Variants in DLC1 observed in about 807,000 individuals in gnomAD.
DLC1 encodes DLC1 Rho GTPase activating protein.
Under a neutral mutation model 140.3 loss-of-function variants are expected in DLC1, and 54 were observed. That is an observed-to-expected ratio of 0.38 (90% CI 0.31 to 0.48). The LOEUF is 0.48. DLC1 is among the 20% of genes least tolerant of loss of function. The pLI is 0.96. For missense variants in DLC1, 2,536 were observed against 1,907.0 expected, an observed-to-expected ratio of 1.33 and a Z score of -6.14; for synonymous variants, 986 against 728.1, an observed-to-expected ratio of 1.35 and a Z score of -5.70.
intron 1 of DLC1, among the ~76,000 whole-genome samples, chr8:13,559,754 A>G (rs1328341100): frequency 6.6e-6 from 1 of 152,226 alleles, no homozygotes. Flanking sequence ...ACACAAAAGT[A>G]TGTAACTCAA....
At chr8:13,417,096 A>C (rs4831428) in intron 2 of DLC1, among the ~76,000 whole-genome samples, 1 of 151,904 alleles carries the variant, frequency 6.6e-6, no homozygotes, top group Admixed American at 6.6e-5. Context: ...ATTTCTAATC[A>C]GATGACTTTA....
intron 5 of DLC1, among the ~76,000 whole-genome samples, chr8:13,121,680 C>T (rs544846610): frequency 1.3e-5 from 2 of 152,126 alleles, no homozygotes; most frequent in South Asian, 2.1e-4. Context: ...TCCTGAGTAG[C>T]TGGGACTACA....
At chr8:13,235,774 T>C (rs1047619486) in intron 5 of DLC1, among the ~76,000 whole-genome samples, 1 of 152,016 alleles carries the variant, frequency 6.6e-6, no homozygotes, top group African/African-American at 2.4e-5. Context: ...AATAAGTTAA[T>C]TTGGACAAAT....
intron 7 of DLC1, among the ~76,000 whole-genome samples, chr8:13,104,375 C>A (rs369468887): frequency 2.0e-5 from 3 of 149,560 alleles, no homozygotes; most frequent in African/African-American, 7.3e-5. Context: ...CCCAAAACCT[C>A]ATGGAGAAAT....
intron 5 of DLC1, among the ~76,000 whole-genome samples, chr8:13,199,918 A>G (rs1827284354): frequency 6.6e-6 from 1 of 152,222 alleles, no homozygotes; most frequent in South Asian, 2.1e-4. Flanking sequence ...AATGGTAATG[A>G]TAATTTTTGA....
chr8:13,480,142 G>T (rs966799074), intron 2 of DLC1, among the ~76,000 whole-genome samples: 1 of 152,082 alleles, frequency 6.6e-6, no homozygotes, highest in Non-Finnish European at 1.5e-5. Context: ...TAAAATACTG[G>T]GTCACAGGAG....
intron 5 of DLC1, among the ~76,000 whole-genome samples, chr8:13,144,381 G>A (rs1014197944): frequency 6.6e-6 from 1 of 152,146 alleles, no homozygotes. Flanking sequence ...GAACTGAGCC[G>A]TGCTATCAGC....
At chr8:13,394,605 C>T (rs1298630399) in intron 3 of DLC1, among the ~76,000 whole-genome samples, 3 of 152,084 alleles carry the variant, frequency 2.0e-5, no homozygotes, top group Non-Finnish European at 4.4e-5. Context: ...TCACTCTAGG[C>T]TTTTAATCTG....
chr8:13,567,893 T>C (rs758451818), intron 1 of DLC1: 94 of 1,551,978 alleles, frequency 6.1e-5, no homozygotes, highest in Non-Finnish European at 8.0e-5. Flanking sequence ...TCTCTGCCAT[T>C]TCTCAAGCGA....
intron 4 of DLC1, among the ~76,000 whole-genome samples, chr8:13,379,029 A>C (rs578210893): frequency 5.3e-5 from 8 of 152,338 alleles, no homozygotes; most frequent in Admixed American, 5.2e-4. Context: ...TCAGATATGC[A>C]ATAAATGTTT....
At chr8:13,366,483 C>T (rs565823199) in intron 4 of DLC1, among the ~76,000 whole-genome samples, 1 of 152,242 alleles carries the variant, frequency 6.6e-6, no homozygotes, top group South Asian at 2.1e-4. Context: ...ATATTCTAGC[C>T]TTTGAGGATA....
intron 5 of DLC1, among the ~76,000 whole-genome samples, chr8:13,285,143 G>A (rs1234000952): frequency 2.6e-5 from 4 of 152,170 alleles, no homozygotes; most frequent in East Asian, 3.8e-4. Flanking sequence ...CTGTAAAAGC[G>A]ACAGTAATCA....
intron 5 of DLC1, among the ~76,000 whole-genome samples, chr8:13,272,846 C>G (rs1169481187): frequency 6.6e-6 from 1 of 152,194 alleles, no homozygotes; most frequent in Non-Finnish European, 1.5e-5. Context: ...TGCATTCCAA[C>G]CTGGGTGACA....
At chr8:13,537,357 CAT>C (rs1269567915) in intron 1 of DLC1, among the ~76,000 whole-genome samples, 2 of 152,220 alleles carry the variant, frequency 1.3e-5, no homozygotes, top group African/African-American at 2.4e-5. Flanking sequence ...CATTCTAACA[CAT>C]AGCGTATGAC....
chr8:13,590,298 T>G (rs760874966), intron 1 of DLC1, among the ~76,000 whole-genome samples: 1 of 151,752 alleles, frequency 6.6e-6, no homozygotes. Context: ...AAAACCCACA[T>G]CCCCAGTTTT....
chr8:13,152,478 T>G (rs1823893581), intron 5 of DLC1, among the ~76,000 whole-genome samples: 1 of 152,212 alleles, frequency 6.6e-6, no homozygotes, highest in Non-Finnish European at 1.5e-5. Context: ...TATTCTTAGT[T>G]AATGAAGCAG....
At chr8:13,090,509 C>A (rs752802281) in intron 14 of DLC1, 39 bp from the exon 15 acceptor site, 2 of 1,605,638 alleles carry the variant, frequency 1.2e-6, no homozygotes, top group South Asian at 1.1e-5. Flanking sequence ...GGTGAGTCCA[C>A]CTGTACTCAA....
At chr8:13,324,585 A>AAAAG (rs1833264077) in intron 4 of DLC1, among the ~76,000 whole-genome samples, 1 of 151,896 alleles carries the variant, frequency 6.6e-6, no homozygotes, top group Non-Finnish European at 1.5e-5. Context: ...AAAAAAAAAA[A>AAAAG]AAAAGATTTT....
intron 2 of DLC1, among the ~76,000 whole-genome samples, chr8:13,441,086 G>A (rs913663780): frequency 1.2e-4 from 19 of 152,176 alleles, no homozygotes; most frequent in Admixed American, 4.6e-4. Flanking sequence ...CTACCACTAC[G>A]AAGAATTTCA....
Sources: allele counts gnomAD v4.1 joint callset (sites outside exome capture counted in the v4.1 genomes callset), GRCh38; gene constraint gnomAD v4.1.1; transcripts MANE v1.5; gene names NCBI Gene and HGNC (gene_info 2026-07-23, HGNC 2026-07-21).